CAMK1D: variants seen among roughly 807,000 people sequenced by gnomAD.
The protein encoded by CAMK1D is calcium/calmodulin-dependent protein kinase type 1D.
CAMK1D carries 9 observed loss-of-function variants against 47.7 expected under a neutral mutation model. That is an observed-to-expected ratio of 0.19 (90% confidence interval 0.11 to 0.33). The LOEUF (loss-of-function observed/expected upper bound fraction) is 0.33, where lower values mean the gene tolerates loss of function less well. Among genes scored for constraint, CAMK1D ranks in the 10% least tolerant of loss-of-function variants. The pLI is 1.00. For synonymous variants in CAMK1D, 184 were observed against 184.9 expected (o/e 0.99, Z 0.04); for missense variants, 291 against 488.7 (o/e 0.60, Z 3.81).
chr10:12,769,812 C>T lies in CAMK1D; in HGVS notation c.565+13C>T, dbSNP rs1420854458. The T allele has an allele frequency of 1.9e-6, 3 of 1,613,572 alleles. No homozygotes were observed. The highest frequency in any genetic ancestry group is 2.2e-5 in the East Asian group (1 of 44,876). ...CCAGGCTATGTCGGTAAGGACAGTG[C>T]ATGTGCACACATGTGCCCGTGTGTG... On this transcript the variant is annotated intron_variant, in intron 5 of 10. Transcript: ENST00000619168.
intron 2 of CAMK1D, among the ~76,000 whole-genome samples, chr10:12,640,063 G>A (rs1380771970): frequency 1.3e-5 from 2 of 152,190 alleles, no homozygotes; most frequent in Non-Finnish European, 2.9e-5. Flanking sequence ...GACAGAAACT[G>A]ACAGATGTCC....
chr10:12,805,433 C>T (rs908206859), intron 6 of CAMK1D, among the ~76,000 whole-genome samples: 2 of 146,198 alleles, frequency 1.4e-5, no homozygotes, highest in Non-Finnish European at 3.0e-5. Flanking sequence ...GTGCAGTGCG[C>T]GATCTCAGCT....
intron 1 of CAMK1D, among the ~76,000 whole-genome samples, chr10:12,379,102 A>G (rs1045397069): frequency 6.6e-6 from 1 of 151,994 alleles, no homozygotes; most frequent in Non-Finnish European, 1.5e-5. Context: ...GAGCCACTGC[A>G]CCTGACCAAG....
intron 1 of CAMK1D, among the ~76,000 whole-genome samples, chr10:12,392,556 T>C (rs1015895351): frequency 2.6e-5 from 4 of 152,236 alleles, no homozygotes; most frequent in African/African-American, 4.8e-5. Context: ...TTTTATTTAT[T>C]ATCATGTACC....
intron 1 of CAMK1D, among the ~76,000 whole-genome samples, chr10:12,417,704 G>A (rs531041416): frequency 6.6e-6 from 1 of 152,342 alleles, no homozygotes; most frequent in Admixed American, 6.5e-5. Context: ...GTGTAAGCAA[G>A]GAACACGGAG....
At chr10:12,615,284 T>G (rs1838747391) in intron 2 of CAMK1D, among the ~76,000 whole-genome samples, 1 of 152,238 alleles carries the variant, frequency 6.6e-6, no homozygotes, top group Non-Finnish European at 1.5e-5. Flanking sequence ...TTTTTGACCC[T>G]CGATTAAGAT....
At chr10:12,757,102 C>T (rs1836264969) in intron 3 of CAMK1D, among the ~76,000 whole-genome samples, 1 of 152,032 alleles carries the variant, frequency 6.6e-6, no homozygotes, top group Non-Finnish European at 1.5e-5. Flanking sequence ...GAAGCTGAGC[C>T]TCTCTCCTAA....
chr10:12,459,177 C>A (rs923966819), intron 1 of CAMK1D, among the ~76,000 whole-genome samples: 4 of 151,976 alleles, frequency 2.6e-5, no homozygotes, highest in African/African-American at 9.7e-5. Flanking sequence ...CGGTGCCGGG[C>A]CAGGATTATA....
At chr10:12,818,969 C>A (rs1225863409) in intron 8 of CAMK1D, among the ~76,000 whole-genome samples, 1 of 152,066 alleles carries the variant, frequency 6.6e-6, no homozygotes, top group Non-Finnish European at 1.5e-5. Flanking sequence ...CATATTAGGC[C>A]TTTAAAGCTG....
chr10:12,596,078 T>A (rs183406584), intron 2 of CAMK1D, among the ~76,000 whole-genome samples: 184 of 152,130 alleles, frequency 1.2e-3, no homozygotes, highest in African/African-American at 4.2e-3. Flanking sequence ...AGAGAGCTCT[T>A]CAGTCCTAAA....
intron 3 of CAMK1D, among the ~76,000 whole-genome samples, chr10:12,744,799 G>A (rs1285614147): frequency 6.6e-6 from 1 of 152,006 alleles, no homozygotes; most frequent in Non-Finnish European, 1.5e-5. Flanking sequence ...TACTCACGAG[G>A]ATAAGGGAGA....
intron 1 of CAMK1D, among the ~76,000 whole-genome samples, chr10:12,444,357 C>T (rs1832869921): frequency 6.6e-6 from 1 of 152,078 alleles, no homozygotes; most frequent in Admixed American, 6.5e-5. Flanking sequence ...ACCTGCGTTT[C>T]CTTGGCCTCT....
At chr10:12,554,688 T>A (rs1836704347) in intron 2 of CAMK1D, among the ~76,000 whole-genome samples, 1 of 150,098 alleles carries the variant, frequency 6.7e-6, no homozygotes, top group Non-Finnish European at 1.5e-5. Context: ...AGGCACACGC[T>A]ATTATGCCTG....
At chr10:12,618,856 G>A (rs1054612113) in intron 2 of CAMK1D, among the ~76,000 whole-genome samples, 8 of 152,266 alleles carry the variant, frequency 5.3e-5, no homozygotes, top group Admixed American at 2.6e-4. Context: ...TTCTTAATAC[G>A]CATAACCCTG....
At chr10:12,354,188 T>G (rs1206286679) in intron 1 of CAMK1D, among the ~76,000 whole-genome samples, 1 of 152,060 alleles carries the variant, frequency 6.6e-6, no homozygotes, top group Non-Finnish European at 1.5e-5. Flanking sequence ...TGAATGCATG[T>G]TTTTCGTGTA....
At chr10:12,822,097 A>G (rs1833034639) in intron 8 of CAMK1D, among the ~76,000 whole-genome samples, 1 of 152,240 alleles carries the variant, frequency 6.6e-6, no homozygotes, top group South Asian at 2.1e-4. Context: ...ATTGACCACT[A>G]GGATCCCTTC....
chr10:12,600,562 C>A (rs566502729), intron 2 of CAMK1D, among the ~76,000 whole-genome samples: 1 of 152,204 alleles, frequency 6.6e-6, no homozygotes, highest in East Asian at 1.9e-4. Context: ...CCAAGAAGTC[C>A]GATAATGAAA....
intron 1 of CAMK1D, among the ~76,000 whole-genome samples, chr10:12,539,896 A>C (rs1272664519): frequency 6.6e-6 from 1 of 151,990 alleles, no homozygotes; most frequent in Non-Finnish European, 1.5e-5. Context: ...CTATGAGGAG[A>C]TTTTGTAATC....
intron 4 of CAMK1D, among the ~76,000 whole-genome samples, chr10:12,762,783 T>A (rs1346793456): frequency 6.6e-6 from 1 of 152,192 alleles, no homozygotes; most frequent in Non-Finnish European, 1.5e-5. Flanking sequence ...CTGGAGATAC[T>A]TCAGAGGGCT....
Sources: gnomAD v4.1 joint callset for allele counts (sites outside exome capture counted in the v4.1 genomes callset) on GRCh38, gnomAD v4.1.1 for gene constraint, MANE v1.5 for transcripts, NCBI Gene and HGNC (gene_info 2026-07-23, HGNC 2026-07-21) for gene names.